SLC36A1: variants seen among roughly 807,000 people sequenced by gnomAD.
SLC36A1 encodes the protein solute carrier family 36 member 1, also known as proton-coupled amino acid transporter 1.
In SLC36A1, 30 loss-of-function variants were observed where a neutral mutation model predicts 47.5. The observed-to-expected ratio is 0.63, with a 90% CI of 0.47 to 0.86. The LOEUF is 0.86. Ranked by LOEUF, SLC36A1 falls within the 40% of genes least tolerant of loss-of-function variation. SLC36A1 has a pLI of 0.00. For synonymous variants in SLC36A1, 255 were observed against 249.7 expected (o/e 1.02, Z -0.20); for missense variants, 517 against 606.0 (o/e 0.85, Z 1.54).
At chr5:151,405,469 C>T in the SLC36A1 span, among the ~76,000 whole-genome samples, 2 of 151,510 alleles carry the variant, frequency 1.3e-5, no homozygotes, top group Non-Finnish European at 2.9e-5. Flanking sequence ...CTGCCTTGGC[C>T]TCCCAAAGTT....
the SLC36A1 span, among the ~76,000 whole-genome samples, chr5:151,363,650 C>A: frequency 6.6e-6 from 1 of 152,112 alleles, no homozygotes; most frequent in Non-Finnish European, 1.5e-5. Flanking sequence ...AACAGGCAAG[C>A]AGAGCTGCAG....
chr5:151,495,655 T>C (rs1760317558), downstream of SLC36A1, among the ~76,000 whole-genome samples: 1 of 152,146 alleles, frequency 6.6e-6, no homozygotes. Context: ...TACCCCTTTA[T>C]AGATACCCAC....
chr5:151,381,973 T>C, the SLC36A1 span: 1 of 519,748 alleles, frequency 1.9e-6, no homozygotes, highest in Non-Finnish European at 3.4e-6. Flanking sequence ...GTGAACCCCT[T>C]GGGGGGTTAC....
the SLC36A1 span, among the ~76,000 whole-genome samples, chr5:151,424,881 A>G: frequency 6.6e-6 from 1 of 152,200 alleles, no homozygotes; most frequent in Non-Finnish European, 1.5e-5. Flanking sequence ...GGGCAATGCA[A>G]TTTGTTCTAA....
chr5:151,406,348 A>C, the SLC36A1 span: 6 of 152,366 alleles, frequency 3.9e-5, no homozygotes, highest in Admixed American at 2.0e-4. Flanking sequence ...ATGAAAAAAA[A>C]CAGTATTCAA....
Position 151,454,350 on chromosome 5 carries a change from G to GT in SLC36A1, c.-5-4438_-5-4437insT, listed in dbSNP as rs779644932. On this transcript the variant is annotated intron_variant, in intron 1 of 10. Coordinates refer to ENST00000243389, the MANE Select transcript of SLC36A1 (RefSeq NM_078483.4). ...TGGCTATCAGATTTCATCAAAGGGA[G>GT]CCTAAGGGCAGTGTGGCCATGGATG... is the stretch of plus-strand genomic sequence containing the variant. Among the ~76,000 whole-genome samples, 14 of 152,190 alleles carry GT rather than the reference G, an allele frequency of 9.2e-5. No homozygotes were observed. In the South Asian group the frequency reaches 2.3e-3, roughly 25 times the overall value.
At chr5:151,535,206 C>T in the SLC36A1 span, among the ~76,000 whole-genome samples, 1 of 151,794 alleles carries the variant, frequency 6.6e-6, no homozygotes, top group African/African-American at 2.4e-5. Context: ...GGCTCCTGCC[C>T]GTAACTCCCA....
chr5:151,544,139 C>T, the SLC36A1 span: 3 of 1,614,204 alleles, frequency 1.9e-6, no homozygotes, highest in Non-Finnish European at 1.7e-6. Context: ...GTGGACATCT[C>T]CCCTGTGCTC....
the SLC36A1 span, among the ~76,000 whole-genome samples, chr5:151,536,888 C>A: frequency 7.2e-5 from 11 of 152,200 alleles, no homozygotes; most frequent in Non-Finnish European, 1.6e-4. Flanking sequence ...TTTGTCCTCT[C>A]TCCTCCCTCT....
At chr5:151,383,190 C>T in the SLC36A1 span, among the ~76,000 whole-genome samples, 1 of 152,048 alleles carries the variant, frequency 6.6e-6, no homozygotes, top group Admixed American at 6.6e-5. Flanking sequence ...ACTCACTGGG[C>T]ACCACTTGTC....
Position 151,455,763 on chromosome 5 carries a change from C to T in SLC36A1, c.-5-3025C>T, listed in dbSNP as rs141981422. Among the ~76,000 whole-genome samples the T allele has an allele frequency of 4.0e-4, 61 of 152,294 alleles. 1 individual carries two copies. The East Asian group carries it at 0.01, about 26-fold the overall frequency. On this transcript the variant is annotated intron_variant, in intron 1 of 10. Coordinates refer to ENST00000243389, the MANE Select transcript of SLC36A1 (RefSeq NM_078483.4). ...CACTTCCAAGTTGCCTGGGGGAGTG[C>T]GTCCTTCGGCCTTTGTTACCACAGA...
At chr5:151,507,716 A>G in the SLC36A1 span, 2,747 of 1,064,168 alleles carry the variant, frequency 2.6e-3, 51 homozygotes, top group African/African-American at 0.038. Flanking sequence ...AAAACCTACC[A>G]TCTCCCGTTT....
chr5:151,544,936 T>G, the SLC36A1 span: 1 of 1,614,156 alleles, frequency 6.2e-7, no homozygotes, highest in Non-Finnish European at 8.5e-7. Context: ...GGGATTGTCA[T>G]TGACATCCTC....
At chr5:151,546,933 G>C in the SLC36A1 span, among the ~76,000 whole-genome samples, 2 of 152,062 alleles carry the variant, frequency 1.3e-5, no homozygotes, top group Non-Finnish European at 2.9e-5. Context: ...CATATCTCAA[G>C]GCTCCTGAGC....
chr5:151,545,295 A>G, the SLC36A1 span: 1 of 1,614,194 alleles, frequency 6.2e-7, no homozygotes. Flanking sequence ...ACAAGCCATC[A>G]GAAGCCCTGA....
intron 10 of SLC36A1, among the ~76,000 whole-genome samples, chr5:151,485,090 T>A (rs919800187): frequency 6.6e-6 from 1 of 152,086 alleles, no homozygotes; most frequent in African/African-American, 2.4e-5. Flanking sequence ...GCCTACAATT[T>A]TACCTCCAAT....
chr5:151,534,205 G>C, the SLC36A1 span, among the ~76,000 whole-genome samples: 1 of 152,202 alleles, frequency 6.6e-6, no homozygotes, highest in Non-Finnish European at 1.5e-5. Flanking sequence ...CCTTTTTCCT[G>C]CTTCAAAACA....
the SLC36A1 span, among the ~76,000 whole-genome samples, chr5:151,430,097 G>A: frequency 1.3e-5 from 2 of 151,936 alleles, no homozygotes; most frequent in African/African-American, 4.8e-5. Context: ...AATAAGGCCT[G>A]GTCATTGCCT....
chr5:151,505,803 T>C, the SLC36A1 span: 1 of 1,613,900 alleles, frequency 6.2e-7, no homozygotes, highest in Non-Finnish European at 8.5e-7. Context: ...GATGGCCGTG[T>C]ACTCATTGAG....
Sources: allele counts gnomAD v4.1 joint callset (sites outside exome capture counted in the v4.1 genomes callset), GRCh38; gene constraint gnomAD v4.1.1; transcripts MANE v1.5; gene names NCBI Gene and HGNC (gene_info 2026-07-23, HGNC 2026-07-21).